The following ATXN7L1 variants were observed in gnomAD, a reference collection of about 807,000 sequenced individuals.
ATXN7L1 encodes the protein ataxin 7 like 1.
A neutral mutation model predicts 70.8 loss-of-function variants in ATXN7L1; 15 were observed. The ratio of observed to expected loss-of-function variants is 0.21; its 90% CI spans 0.14 to 0.33. The LOEUF is 0.33. ATXN7L1 is among the 10% of genes least tolerant of loss of function. The pLI is 1.00. For missense variants in ATXN7L1, 975 were observed against 1,097.1 expected (o/e 0.89, Z 1.57); for synonymous variants, 440 against 445.1 (o/e 0.99, Z 0.14).
intron 3 of ATXN7L1, among the ~76,000 whole-genome samples, chr7:105,717,474 T>G (rs778911752): frequency 6.6e-6 from 1 of 152,236 alleles, no homozygotes; most frequent in Non-Finnish European, 1.5e-5. Flanking sequence ...GTAGCCTATA[T>G]TGTTTGTTAT....
At chr7:105,697,140 G>C (rs1328131244) in intron 3 of ATXN7L1, among the ~76,000 whole-genome samples, 1 of 151,760 alleles carries the variant, frequency 6.6e-6, no homozygotes, top group Non-Finnish European at 1.5e-5. Flanking sequence ...ATGAAGTTTC[G>C]GGCACTATTG....
At chr7:105,840,610 G>GC (rs1430634617) in intron 2 of ATXN7L1, among the ~76,000 whole-genome samples, 2 of 152,012 alleles carry the variant, frequency 1.3e-5, no homozygotes, top group African/African-American at 4.8e-5. Flanking sequence ...CACACATACT[G>GC]CCCCCCAGAG....
intron 3 of ATXN7L1, among the ~76,000 whole-genome samples, chr7:105,745,873 C>T (rs1234519957): frequency 6.6e-6 from 1 of 152,002 alleles, no homozygotes; most frequent in East Asian, 1.9e-4. Flanking sequence ...TCTCTCTAAC[C>T]CTGACCTCCA....
At chr7:105,631,857 AGC>A (rs1160292003) in intron 7 of ATXN7L1, among the ~76,000 whole-genome samples, 2 of 152,256 alleles carry the variant, frequency 1.3e-5, no homozygotes, top group Non-Finnish European at 2.9e-5. Context: ...CATCAGGCTC[AGC>A]GCAGAGTAGG....
chr7:105,875,772 C>A (rs190711182), intron 2 of ATXN7L1, 40 bp downstream of exon 2: 1 of 1,563,520 alleles, frequency 6.4e-7, no homozygotes, highest in African/African-American at 1.4e-5. Flanking sequence ...GAAGATTCTG[C>A]CACACATGCT....
At chr7:105,608,897 C>T (rs1012408926) in intron 11 of ATXN7L1, among the ~76,000 whole-genome samples, 1 of 152,194 alleles carries the variant, frequency 6.6e-6, no homozygotes, top group Non-Finnish European at 1.5e-5. Context: ...TATATATACA[C>T]GCACACCCAC....
intron 3 of ATXN7L1, among the ~76,000 whole-genome samples, chr7:105,675,072 T>C (rs899843941): frequency 6.6e-6 from 1 of 151,530 alleles, no homozygotes; most frequent in Non-Finnish European, 1.5e-5. Flanking sequence ...AATCTGGTAA[T>C]GTAAGTTTGG....
At chr7:105,714,036 T>A (rs528608588) in intron 3 of ATXN7L1, among the ~76,000 whole-genome samples, 3 of 152,348 alleles carry the variant, frequency 2.0e-5, no homozygotes, top group African/African-American at 7.2e-5. Flanking sequence ...AAACCCTGAT[T>A]AAGAACTATC....
At chr7:105,619,462 T>C (rs1794483148) in intron 9 of ATXN7L1, among the ~76,000 whole-genome samples, 1 of 137,110 alleles carries the variant, frequency 7.3e-6, no homozygotes, top group African/African-American at 2.7e-5. Context: ...ATCTTTAGTT[T>C]TGATATTGTA....
chr7:105,755,276 A>G (rs542931952), intron 3 of ATXN7L1, among the ~76,000 whole-genome samples: 1 of 152,312 alleles, frequency 6.6e-6, no homozygotes, highest in East Asian at 1.9e-4. Flanking sequence ...GACATCCTAA[A>G]TCACACCACT....
intron 3 of ATXN7L1, among the ~76,000 whole-genome samples, chr7:105,698,171 G>C (rs1193837456): frequency 1.1e-4 from 16 of 152,026 alleles, no homozygotes; most frequent in Non-Finnish European, 2.1e-4. Context: ...AGTCGTGTCC[G>C]CACTCAGCTC....
chr7:105,677,563 A>G (rs146681620), intron 3 of ATXN7L1, among the ~76,000 whole-genome samples: 2 of 152,346 alleles, frequency 1.3e-5, no homozygotes, highest in African/African-American at 2.4e-5. Flanking sequence ...CACTCACTCT[A>G]TTCACTGTGG....
chr7:105,835,792 AG>A (rs553395327), intron 2 of ATXN7L1, among the ~76,000 whole-genome samples: 1 of 152,324 alleles, frequency 6.6e-6, no homozygotes, highest in East Asian at 1.9e-4. Flanking sequence ...CCCTATTAAC[AG>A]AAATACTGAA....
intron 2 of ATXN7L1, among the ~76,000 whole-genome samples, chr7:105,794,530 T>A (rs1049809204): frequency 2.0e-5 from 3 of 152,256 alleles, no homozygotes; most frequent in Non-Finnish European, 2.9e-5. Flanking sequence ...CCTTCTAGCA[T>A]CACTGCTTCC....
chr7:105,790,364 G>A (rs1804957566), intron 2 of ATXN7L1, among the ~76,000 whole-genome samples: 1 of 152,092 alleles, frequency 6.6e-6, no homozygotes, highest in Non-Finnish European at 1.5e-5. Flanking sequence ...CACTTTGGGA[G>A]GTAGGATGAT....
intron 2 of ATXN7L1, among the ~76,000 whole-genome samples, chr7:105,829,575 A>G (rs1811319019): frequency 6.6e-6 from 1 of 152,228 alleles, no homozygotes; most frequent in South Asian, 2.1e-4. Flanking sequence ...TGATTTACTT[A>G]ACGTAATTAA....
At chr7:105,722,492 C>T (rs949401709) in intron 3 of ATXN7L1, among the ~76,000 whole-genome samples, 2 of 128,088 alleles carry the variant, frequency 1.6e-5, no homozygotes, top group Non-Finnish European at 3.1e-5. Flanking sequence ...AATTGGGAGG[C>T]GGAGGTTGCA....
At chr7:105,781,457 A>G (rs1177012806) in intron 3 of ATXN7L1, among the ~76,000 whole-genome samples, 1 of 152,178 alleles carries the variant, frequency 6.6e-6, no homozygotes, top group Non-Finnish European at 1.5e-5. Flanking sequence ...TTTGTCTTAC[A>G]TACATGCCTG....
Position 105,622,163 on chromosome 7 carries a change from G to C in ATXN7L1, c.1396-1842C>G, listed in dbSNP as rs140486220. ...ATGTATCAACTGGCCATGAGAGAAAGGACAAAGCAAAGACACAAATCTGTG... is the reference window on the plus strand; with the variant it reads ...ATGTATCAACTGGCCATGAGAGAAACGACAAAGCAAAGACACAAATCTGTG... On this transcript the variant is annotated intron_variant, in intron 8 of 11. Coordinates refer to ENST00000419735, the MANE Select transcript of ATXN7L1 (RefSeq NM_020725.2). Among the ~76,000 whole-genome samples, 257 of 152,336 alleles carry C rather than the reference G, an allele frequency of 1.7e-3. 1 individual carries two copies. Among genetic ancestry groups the C allele is most frequent in the African/African-American group, 5.8e-3 (241 of 41,570 alleles).
Sources: allele counts gnomAD v4.1 joint callset (sites outside exome capture counted in the v4.1 genomes callset), GRCh38; gene constraint gnomAD v4.1.1; transcripts MANE v1.5; gene names NCBI Gene and HGNC (gene_info 2026-07-23, HGNC 2026-07-21).